The following PRKACB variants were observed in gnomAD, a reference collection of about 807,000 sequenced individuals.
The protein encoded by PRKACB is protein kinase cAMP-activated catalytic subunit beta, also known as cAMP-dependent protein kinase catalytic subunit beta.
In PRKACB, 16 loss-of-function variants were observed where a neutral mutation model predicts 51.4. That is an observed-to-expected ratio of 0.31 (90% confidence interval 0.21 to 0.47). PRKACB has a LOEUF of 0.47. PRKACB is among the 20% of genes least tolerant of loss of function. PRKACB has a pLI of 1.00. For synonymous variants in PRKACB, 147 were observed against 154.4 expected (o/e 0.95, Z 0.35); for missense variants, 309 against 464.5 (o/e 0.67, Z 3.08).
chr1:84,214,038 C>A lies in PRKACB; in HGVS notation c.907-115C>A, dbSNP rs890485595. On this transcript the variant is annotated intron_variant, in intron 8 of 9. Transcript: ENST00000370685. ...TTAAAAGTATGTGAAGGTCATCGCT[C>A]CATATTTTTGTTTATATAATGGCTT... is the stretch of plus-strand genomic sequence containing the variant. 8.5e-6 allele frequency: 9 copies of A among 1,062,742 alleles called. No individual in the cohort carries two copies. In the African/African-American group the frequency reaches 1.5e-4, roughly 18 times the overall value. 65.8% of individuals were successfully genotyped at this position (1,062,742 alleles called of 1,614,324 possible).
chr1:84,169,161 T>TACCTATAAAAGA (rs1658537701), intron 1 of PRKACB, among the ~76,000 whole-genome samples: 1 of 151,496 alleles, frequency 6.6e-6, no homozygotes, highest in Non-Finnish European at 1.5e-5. Context: ...ATAAAAGAGG[T>TACCTATAAAAGA]TATACACCAT....
intron 2 of PRKACB, chr1:84,181,658 T>C (rs1490355104): frequency 4.7e-6 from 7 of 1,495,590 alleles, no homozygotes; most frequent in East Asian, 2.5e-5. Flanking sequence ...CTAGGCTCTC[T>C]CATGCTGCTA....
chr1:84,237,977 G>C lies in PRKACB; in HGVS notation c.*2672G>C, dbSNP rs1323623968. ...TGTCTTTTTATCTGATATTTTGAAGGGTATATTGCTTTGAAGTAAGTCTCA... is the reference window on the plus strand; with the variant it reads ...TGTCTTTTTATCTGATATTTTGAAGCGTATATTGCTTTGAAGTAAGTCTCA... On this transcript the variant is annotated 3_prime_UTR_variant, in exon 10 of 10. Transcript: ENST00000370685. 1 of 151,938 alleles carries C rather than the reference G, an allele frequency of 6.6e-6. No individual in the cohort carries two copies. The highest frequency in any genetic ancestry group is 1.5e-5 in the Non-Finnish European group (1 of 67,940). 9.4% of individuals were successfully genotyped at this position (151,938 alleles called of 1,614,324 possible). A position where few individuals can be genotyped will look rare whatever the true frequency, so the allele number is the denominator to read the frequency against.
chr1:84,228,853 C>A (rs533092987), intron 9 of PRKACB, among the ~76,000 whole-genome samples: 18 of 151,854 alleles, frequency 1.2e-4, no homozygotes, highest in African/African-American at 4.3e-4. Context: ...AAACAAGGAA[C>A]TAAAAATTAA....
intron 1 of PRKACB, among the ~76,000 whole-genome samples, chr1:84,153,444 CTGTA>C (rs143257979): frequency 0.44 from 65,907 of 151,492 alleles, 15,837 homozygotes; most frequent in Non-Finnish European, 0.56. Context: ...AGGGGTGTGC[CTGTA>C]TTAATGCATT....
At chr1:84,190,216 G>A (rs947890573) in intron 5 of PRKACB, among the ~76,000 whole-genome samples, 3 of 151,658 alleles carry the variant, frequency 2.0e-5, no homozygotes, top group Non-Finnish European at 4.4e-5. Flanking sequence ...TATTTATTTA[G>A]CAATTTGTTT....
chr1:84,109,105 A>G (rs1650011760), intron 1 of PRKACB, among the ~76,000 whole-genome samples: 1 of 152,010 alleles, frequency 6.6e-6, no homozygotes, highest in African/African-American at 2.4e-5. Context: ...TCTTTGCTGT[A>G]TAATGTTCCA....
chr1:84,223,377 T>G (rs1558324970), intron 9 of PRKACB, among the ~76,000 whole-genome samples: 1 of 133,878 alleles, frequency 7.5e-6, no homozygotes, highest in African/African-American at 2.8e-5. Context: ...TTTGTTTTTT[T>G]GTTTTTTTTG....
chr1:84,188,615 G>C (rs1665878368), intron 5 of PRKACB, among the ~76,000 whole-genome samples: 1 of 151,216 alleles, frequency 6.6e-6, no homozygotes, highest in Non-Finnish European at 1.5e-5. Context: ...TATAATTTTT[G>C]AAACATTCAT....
rs866025673 is a variant in PRKACB at position 84,181,352 on chromosome 1, G to C, written c.250-848G>C. On this transcript the variant is annotated intron_variant, in intron 2 of 9. Transcript: ENST00000370685. Reference sequence around the variant, plus strand: ...TGCAATGAAACCTATTAAACAAATGGGTCAGCAATTACTACTTCTTGCCAT... The same window carrying C: ...TGCAATGAAACCTATTAAACAAATGCGTCAGCAATTACTACTTCTTGCCAT... 3.3e-5 allele frequency among the ~76,000 whole-genome samples: 5 copies of C among 151,840 alleles called. No individual in the cohort carries two copies. The South Asian group carries it at 6.2e-4, about 19-fold the overall frequency.
At position 84,171,302 on chromosome 1, in the gene PRKACB, CA is replaced by C. The variant is rs1354000059; in HGVS notation, c.188-7872del. ...GAAGAAAGAAACTGATAAAGACGAG[CA>C]AAGATCAGTGGGTGGAATAGAAAAT... On this transcript the variant is annotated intron_variant, in intron 1 of 9. Coordinates refer to ENST00000370685, the MANE Select transcript of PRKACB (RefSeq NM_182948.4). Among the ~76,000 whole-genome samples, 3 of 151,370 alleles carry C rather than the reference CA, an allele frequency of 2.0e-5. No individual in the cohort carries two copies. In the Admixed American group the frequency reaches 2.0e-4, roughly 10 times the overall value.
chr1:84,146,005 A>G (rs1432756327), intron 1 of PRKACB, among the ~76,000 whole-genome samples: 1 of 152,024 alleles, frequency 6.6e-6, no homozygotes, highest in African/African-American at 2.4e-5. Context: ...GTTTTTAATA[A>G]TTAAAAGTTA....
intron 1 of PRKACB, among the ~76,000 whole-genome samples, chr1:84,113,335 T>A (rs894010008): frequency 6.6e-6 from 1 of 152,148 alleles, no homozygotes; most frequent in Non-Finnish European, 1.5e-5. Context: ...TAGAAACACT[T>A]ATACATGTTC....
At chr1:84,232,011 T>C (rs1413105025) in intron 9 of PRKACB, among the ~76,000 whole-genome samples, 1 of 151,546 alleles carries the variant, frequency 6.6e-6, no homozygotes, top group African/African-American at 2.4e-5. Context: ...AATTGTGATG[T>C]TAGGGTGTCA....
At chr1:84,177,478 C>T (rs1661691924) in intron 1 of PRKACB, among the ~76,000 whole-genome samples, 1 of 152,064 alleles carries the variant, frequency 6.6e-6, no homozygotes, top group Non-Finnish European at 1.5e-5. Flanking sequence ...CAGTGGCTCA[C>T]ACCTCTAATC....
At chr1:84,088,813 G>A (rs1376756366) in intron 1 of PRKACB, among the ~76,000 whole-genome samples, 2 of 152,100 alleles carry the variant, frequency 1.3e-5, no homozygotes, top group East Asian at 3.9e-4. Flanking sequence ...ATAAAAATAA[G>A]ACTTGGTTCC....
chr1:84,097,151 G>A (rs1447388463), intron 1 of PRKACB, among the ~76,000 whole-genome samples: 4 of 151,902 alleles, frequency 2.6e-5, no homozygotes, highest in African/African-American at 9.7e-5. Flanking sequence ...GATGGTAATT[G>A]GGTTGTTTTC....
intron 1 of PRKACB, among the ~76,000 whole-genome samples, chr1:84,174,325 A>C (rs955512458): frequency 6.6e-6 from 1 of 151,798 alleles, no homozygotes; most frequent in African/African-American, 2.4e-5. Context: ...CTTATCTTTC[A>C]AGATTCAGCA....
chr1:84,216,742 G>A (rs1672944245), intron 9 of PRKACB, among the ~76,000 whole-genome samples: 1 of 152,084 alleles, frequency 6.6e-6, no homozygotes, highest in African/African-American at 2.4e-5. Flanking sequence ...GTGGAAATCA[G>A]CTCAGAGAGG....
Sources: gnomAD v4.1 joint callset for allele counts (sites outside exome capture counted in the v4.1 genomes callset) on GRCh38, gnomAD v4.1.1 for gene constraint, MANE v1.5 for transcripts, NCBI Gene and HGNC (gene_info 2026-07-23, HGNC 2026-07-21) for gene names.